TENM2: variants seen among roughly 807,000 people sequenced by gnomAD.
The protein encoded by TENM2 is teneurin transmembrane protein 2.
In TENM2, 52 loss-of-function variants were observed where a neutral mutation model predicts 245.2. The ratio of observed to expected loss-of-function variants is 0.21; its 90% CI spans 0.17 to 0.27. TENM2 has a LOEUF of 0.27. Ranked by LOEUF, TENM2 falls within the 10% of genes least tolerant of loss-of-function variation. The pLI is 1.00. For missense variants in TENM2, 3,046 were observed against 3,666.8 expected, an observed-to-expected ratio of 0.83 and a Z score of 4.37; for synonymous variants, 1,363 against 1,438.9, an observed-to-expected ratio of 0.95 and a Z score of 1.19.
At chr5:168,143,728 G>A (rs968549695) in intron 12 of TENM2, among the ~76,000 whole-genome samples, 1 of 151,930 alleles carries the variant, frequency 6.6e-6, no homozygotes, top group African/African-American at 2.4e-5. Flanking sequence ...TACCGGAAGT[G>A]TAGAAAGGCT....
At chr5:167,843,041 T>C (rs987933798) in intron 2 of TENM2, among the ~76,000 whole-genome samples, 1 of 152,160 alleles carries the variant, frequency 6.6e-6, no homozygotes, top group African/African-American at 2.4e-5. Flanking sequence ...TGTATTGGTA[T>C]CTAGTACCAT....
At chr5:167,689,450 G>A (rs1017488809) in intron 2 of TENM2, among the ~76,000 whole-genome samples, 1 of 152,152 alleles carries the variant, frequency 6.6e-6, no homozygotes, top group Non-Finnish European at 1.5e-5. Context: ...TAGCCAGTAT[G>A]GCCCTCCATC....
chr5:168,116,517 T>C (rs1322903237), intron 9 of TENM2, among the ~76,000 whole-genome samples: 1 of 152,174 alleles, frequency 6.6e-6, no homozygotes, highest in Non-Finnish European at 1.5e-5. Flanking sequence ...CCCACGTCTT[T>C]CATAAATGGC....
intron 2 of TENM2, among the ~76,000 whole-genome samples, chr5:167,811,521 C>A (rs149561082): frequency 6.6e-6 from 1 of 152,104 alleles, no homozygotes; most frequent in Non-Finnish European, 1.5e-5. Flanking sequence ...GCCTGCAGAA[C>A]GATCTGCCAC....
chr5:167,675,330 A>G (rs1251099120), intron 2 of TENM2, among the ~76,000 whole-genome samples: 1 of 152,110 alleles, frequency 6.6e-6, no homozygotes, highest in Non-Finnish European at 1.5e-5. Flanking sequence ...GTCACTTGAA[A>G]TTCTCAAGAA....
intron 5 of TENM2, among the ~76,000 whole-genome samples, chr5:167,993,984 G>C (rs946505811): frequency 6.6e-6 from 1 of 152,250 alleles, no homozygotes; most frequent in African/African-American, 2.4e-5. Flanking sequence ...AGGGTGCCAC[G>C]TGCATAAGAG....
At chr5:167,018,784 A>G in the TENM2 span, among the ~76,000 whole-genome samples, 1 of 152,256 alleles carries the variant, frequency 6.6e-6, no homozygotes, top group African/African-American at 2.4e-5. Flanking sequence ...ACCAGGTGAC[A>G]GAGACCTCTG....
chr5:167,099,788 A>C, the TENM2 span, among the ~76,000 whole-genome samples: 1 of 152,326 alleles, frequency 6.6e-6, no homozygotes, highest in South Asian at 2.1e-4. Flanking sequence ...TCTCTCTCAA[A>C]ATGAACTTTA....
chr5:168,050,326 TG>T (rs1788965547), intron 6 of TENM2, among the ~76,000 whole-genome samples: 1 of 152,216 alleles, frequency 6.6e-6, no homozygotes, highest in Admixed American at 6.5e-5. Context: ...AAAGTGACCT[TG>T]GGTTTGAATT....
intron 2 of TENM2, among the ~76,000 whole-genome samples, chr5:167,802,841 A>C (rs965852584): frequency 6.6e-5 from 10 of 152,194 alleles, no homozygotes; most frequent in African/African-American, 2.4e-4. Context: ...TGTCTGAACA[A>C]GGTTCACACC....
chr5:167,286,142 T>C (rs1771335729), intron 1 of TENM2, among the ~76,000 whole-genome samples: 1 of 152,244 alleles, frequency 6.6e-6, no homozygotes, highest in Non-Finnish European at 1.5e-5. Context: ...AACATCTTTT[T>C]ATACACTCCT....
chr5:167,417,584 T>G (rs535844733), intron 2 of TENM2, among the ~76,000 whole-genome samples: 1 of 152,314 alleles, frequency 6.6e-6, no homozygotes, highest in African/African-American at 2.4e-5. Flanking sequence ...TTATAAATTT[T>G]TGTGCCAGGT....
the TENM2 span, among the ~76,000 whole-genome samples, chr5:167,022,390 A>G: frequency 1.3e-5 from 2 of 152,356 alleles, no homozygotes; most frequent in African/African-American, 4.8e-5. Context: ...TGCAAAAGAG[A>G]GTACATGGTT....
chr5:168,041,831 T>TGGCACA (rs1788219013), intron 5 of TENM2, among the ~76,000 whole-genome samples: 1 of 152,238 alleles, frequency 6.6e-6, no homozygotes, highest in Admixed American at 6.5e-5. Context: ...GCCCAATACC[T>TGGCACA]GGCACATGGT....
At chr5:167,784,326 T>C (rs1224466390) in intron 2 of TENM2, among the ~76,000 whole-genome samples, 3 of 152,204 alleles carry the variant, frequency 2.0e-5, no homozygotes, top group Non-Finnish European at 4.4e-5. Flanking sequence ...GAACAATGTG[T>C]GTGAATATGA....
chr5:167,725,809 T>C (rs1293072014), intron 2 of TENM2, among the ~76,000 whole-genome samples: 1 of 152,154 alleles, frequency 6.6e-6, no homozygotes, highest in African/African-American at 2.4e-5. Context: ...AAAGAAGCCT[T>C]ACTCTCTCGC....
At chr5:167,063,464 G>A in the TENM2 span, among the ~76,000 whole-genome samples, 1 of 152,074 alleles carries the variant, frequency 6.6e-6, no homozygotes, top group Non-Finnish European at 1.5e-5. Context: ...CGATGTCTGT[G>A]TATCTGCATT....
intron 2 of TENM2, among the ~76,000 whole-genome samples, chr5:167,408,419 A>G (rs1387478273): frequency 2.6e-5 from 4 of 152,068 alleles, no homozygotes; most frequent in Non-Finnish European, 5.9e-5. Flanking sequence ...CTCTTGTTGT[A>G]TTGCTCAAAG....
At chr5:167,344,682 T>C (rs1223575358) in intron 1 of TENM2, among the ~76,000 whole-genome samples, 1 of 152,216 alleles carries the variant, frequency 6.6e-6, no homozygotes, top group Non-Finnish European at 1.5e-5. Context: ...AATAACTCAA[T>C]TTCTCATTCC....
Sources: allele counts gnomAD v4.1 joint callset (sites outside exome capture counted in the v4.1 genomes callset), GRCh38; gene constraint gnomAD v4.1.1; transcripts MANE v1.5; gene names NCBI Gene and HGNC (gene_info 2026-07-23, HGNC 2026-07-21).